The following MEPE variants were observed in gnomAD, a reference collection of about 807,000 sequenced individuals.
MEPE encodes matrix, extracellular phosphoglycoprotein with ASARM motif (bone).
Under a neutral mutation model 7.3 loss-of-function variants are expected in MEPE, and 7 were observed. That is an observed-to-expected ratio of 0.95 (90% CI 0.54 to 1.79). MEPE has a LOEUF of 1.79. MEPE is among the 40% of genes most tolerant of loss of function. MEPE has a pLI of 0.00. For synonymous variants in MEPE, 214 were observed against 213.1 expected, an observed-to-expected ratio of 1.00 and a Z score of -0.04; for missense variants, 623 against 628.2, an observed-to-expected ratio of 0.99 and a Z score of 0.09.
intron 3 of MEPE, among the ~76,000 whole-genome samples, chr4:87,844,309 T>C (rs1723124292): frequency 6.6e-6 from 1 of 152,162 alleles, no homozygotes; most frequent in African/African-American, 2.4e-5. Flanking sequence ...CCAAGAGTGA[T>C]AAAACCCAGG....
Position 87,845,083 on chromosome 4 carries a change from T to C in MEPE, c.215T>C (p.Leu72Ser), listed in dbSNP as rs1723161855. The change falls in exon 4 of 4, where the codon TTG (leucine) becomes TCG (serine). Residue 72 changes from leucine to serine, a missense_variant. By Grantham distance (145) the Leu-to-Ser change is moderately radical. Transcript: ENST00000361056. ...ATTGTCCAGGAAAGAAAGAAAGATT[T>C]GTCCCTTTCTGAAGCCAGTGAGAAT... is the stretch of plus-strand genomic sequence containing the variant. ...ENIVQERKKD[L>S]SLSEASENKG... The C allele has an allele frequency of 1.2e-6, 2 of 1,613,548 alleles. No individual in the cohort carries two copies. Among genetic ancestry groups the C allele is most frequent in the African/African-American group, 2.7e-5 (2 of 74,902 alleles).
rs562375236 is a variant in MEPE at position 87,825,882 on chromosome 4, C to T, written c.-13+4411C>T. On this transcript the variant is annotated intron_variant, in intron 1 of 3. Transcript: ENST00000424957. The stretch of plus-strand genomic sequence containing the variant: ...GCCCCAGTGTGTGTTTTTCCCCTCC[C>T]TGTGTCCATGTGTTCTCATTATTCA... Among the ~76,000 whole-genome samples the T allele has an allele frequency of 1.5e-3, 235 of 152,284 alleles. 1 individual carries two copies. Among genetic ancestry groups the T allele is most frequent in the African/African-American group, 3.9e-3 (163 of 41,566 alleles).
Position 87,845,854 on chromosome 4 carries a change from C to T in MEPE, c.986C>T (p.Ala329Val), listed in dbSNP as rs139535116. The change falls in exon 4 of 4, where the codon GCT becomes GTT. Residue 329 changes from alanine (A) to valine (V), a missense_variant. Physicochemically the swap from Ala to Val is moderately conservative, Grantham distance 64. Coordinates refer to ENST00000361056, the MANE Select transcript of MEPE (RefSeq NM_020203.6). ...GATGAAACTGCGAAAGAGGCAGATGCTGTTGATGTCAGCCTTGTAGAGGGC... is the reference window on the plus strand; with the variant it reads ...GATGAAACTGCGAAAGAGGCAGATGTTGTTGATGTCAGCCTTGTAGAGGGC... ...TRDETAKEAD[A>V]VDVSLVEGSN... 3.4e-4 allele frequency: 549 copies of T among 1,614,024 alleles called. 2 individuals carry two copies. The African/African-American group carries it at 6.7e-3, about 20-fold the overall frequency.
chr4:87,842,315 T>C (rs187676730), intron 3 of MEPE, among the ~76,000 whole-genome samples: 2 of 152,346 alleles, frequency 1.3e-5, no homozygotes, highest in Non-Finnish European at 2.9e-5. Flanking sequence ...CCAAATACTA[T>C]GAGCTTCTGG....
At chr4:87,831,930 C>G (rs2109993172), upstream of MEPE, among the ~76,000 whole-genome samples, 1 of 152,138 alleles carries the variant, frequency 6.6e-6, no homozygotes, top group African/African-American at 2.4e-5. Context: ...TACAGAATAC[C>G]ACAGACTGGG....
chr4:87,834,540 G>A (rs961600711), intron 1 of MEPE, among the ~76,000 whole-genome samples, 163 bp from the exon 2 acceptor site: 1 of 151,900 alleles, frequency 6.6e-6, no homozygotes, highest in African/African-American at 2.4e-5. Flanking sequence ...GTCCACACTC[G>A]GGTATAAGCA....
At position 87,846,166 on chromosome 4, in the gene MEPE, G is replaced by A. The variant is rs1560545062; in HGVS notation, c.1298G>A (p.Ser433Asn). Residue 433 changes from serine (S) to asparagine (N), a missense_variant, in exon 4 of 4, where the codon AGT becomes AAT. Ser to Asn is a conservative substitution (Grantham distance 46). Coordinates refer to ENST00000361056, the MANE Select transcript of MEPE (RefSeq NM_020203.6). ...EKQRFPSKGK[S>N]QGLPIPSRGL... ...CAAAGGTTTCCTAGTAAGGGCAAAA[G>A]TCAGGGCCTGCCCATTCCTTCTCGT... 1.2e-6 allele frequency: 2 copies of A among 1,614,012 alleles called. No individual in the cohort carries two copies. The highest frequency in any genetic ancestry group is 1.7e-6 in the Non-Finnish European group (2 of 1,179,974).
At chr4:87,822,479 C>T (rs761355438) in intron 1 of MEPE, among the ~76,000 whole-genome samples, 1 of 152,184 alleles carries the variant, frequency 6.6e-6, no homozygotes, top group Admixed American at 6.5e-5. Context: ...ACACACCACA[C>T]TTCCACAGAT....
At chr4:87,822,517 A>T (rs1010895807) in intron 1 of MEPE, among the ~76,000 whole-genome samples, 1 of 152,164 alleles carries the variant, frequency 6.6e-6, no homozygotes, top group African/African-American at 2.4e-5. Context: ...CATGAAGTCA[A>T]ATACAGTCAG....
At chr4:87,822,091 A>G (rs940440890) in intron 1 of MEPE, among the ~76,000 whole-genome samples, 6 of 152,160 alleles carry the variant, frequency 3.9e-5, no homozygotes, top group Non-Finnish European at 8.8e-5. Context: ...CTTTAAAAAA[A>G]AATGTCTCAC....
In MEPE at chr4:87,821,487, T is replaced by G. The variant is rs531541317; in HGVS notation, c.-13+16T>G. The stretch of plus-strand genomic sequence containing the variant: ...AGGTAGACTGGTAAGACTCAGGCTT[T>G]CAAGTTATTTCAAAACCAATAGCAA... On this transcript the variant is annotated intron_variant, in intron 1 of 3. Transcript: ENST00000424957. The G allele has an allele frequency of 2.0e-5, 3 of 152,294 alleles. No individual in the cohort carries two copies. In the South Asian group the frequency reaches 6.2e-4, roughly 32 times the overall value. The allele number at this position is 152,294 out of a possible 1,614,324, so 9.4% of individuals were successfully genotyped here. A position where few individuals can be genotyped will look rare whatever the true frequency, so the allele number is the denominator to read the frequency against.
At chr4:87,822,714 G>A (rs1055368924) in intron 1 of MEPE, among the ~76,000 whole-genome samples, 9 of 152,152 alleles carry the variant, frequency 5.9e-5, no homozygotes, top group African/African-American at 2.2e-4. Context: ...AAAGAAGTCT[G>A]CAGTTGAACC....
upstream of MEPE, among the ~76,000 whole-genome samples, chr4:87,828,378 G>C (rs931861126): frequency 2.0e-5 from 3 of 152,094 alleles, no homozygotes; most frequent in African/African-American, 7.2e-5. Context: ...AGAACATATG[G>C]AAAAGTGTAT....
chr4:87,846,536 T>G lies in MEPE; in HGVS notation c.*90T>G, dbSNP rs960039415. ...GAGAGCCACCTGACAGCTGACCAGG[T>G]GAAGAGAGGATAGAGTGAAGAACTG... On this transcript the variant is annotated 3_prime_UTR_variant, in exon 4 of 4. Coordinates refer to ENST00000361056, the MANE Select transcript of MEPE (RefSeq NM_020203.6). 4.5e-5 allele frequency: 64 copies of G among 1,415,868 alleles called. No individual in the cohort carries two copies. Among genetic ancestry groups the G allele is most frequent in the Non-Finnish European group, 5.8e-5 (61 of 1,047,338 alleles). 87.7% of individuals were successfully genotyped at this position (1,415,868 alleles called of 1,614,324 possible). A position where few individuals can be genotyped will look rare whatever the true frequency, so the allele number is the denominator to read the frequency against.
chr4:87,838,519 C>T (rs569252245), intron 2 of MEPE, 113 bp from the exon 3 acceptor site: 1 of 864,524 alleles, frequency 1.2e-6, no homozygotes, highest in Non-Finnish European at 1.9e-6. Context: ...GAATGATTTT[C>T]CACAGTGAAT....
chr4:87,823,305 C>T (rs768375633), intron 1 of MEPE, among the ~76,000 whole-genome samples: 32 of 152,240 alleles, frequency 2.1e-4, no homozygotes, highest in South Asian at 1.2e-3. Flanking sequence ...GTATTTTGTC[C>T]TCTCATTTCA....
At chr4:87,828,209 T>C (rs1722519531), upstream of MEPE, among the ~76,000 whole-genome samples, 1 of 152,228 alleles carries the variant, frequency 6.6e-6, no homozygotes, top group South Asian at 2.1e-4. Flanking sequence ...TGGACCCCTC[T>C]GTTCTATTCA....
At chr4:87,838,747 G>C in intron 3 of MEPE, 62 bp downstream of exon 3, 1 of 1,463,658 alleles carries the variant, frequency 6.8e-7, no homozygotes, top group Non-Finnish European at 9.5e-7. Flanking sequence ...AAGTCAGTAA[G>C]AGAAAAGTGT....
chr4:87,826,380 GT>G (rs34088812), intron 1 of MEPE, among the ~76,000 whole-genome samples: 7,740 of 146,798 alleles, frequency 0.053, 270 homozygotes, highest in Middle Eastern at 0.099. Context: ...CACCACAACA[GT>G]TTTTTTTTTT....
Sources: gnomAD v4.1 joint callset for allele counts (sites outside exome capture counted in the v4.1 genomes callset) on GRCh38, gnomAD v4.1.1 for gene constraint, MANE v1.5 for transcripts, NCBI Gene and HGNC (gene_info 2026-07-23, HGNC 2026-07-21) for gene names.